The following THRA variants were observed in gnomAD, a reference collection of about 807,000 sequenced individuals.
THRA encodes the protein EAR-7.
In THRA, 13 loss-of-function variants were observed where a neutral mutation model predicts 45.0. The ratio of observed to expected loss-of-function variants is 0.29; its 90% CI spans 0.19 to 0.46. The LOEUF (loss-of-function observed/expected upper bound fraction) is 0.46, where lower values mean the gene tolerates loss of function less well. Among genes scored for constraint, THRA ranks in the 20% least tolerant of loss-of-function variants. The pLI, the probability that THRA is intolerant of heterozygous loss-of-function variation, is 1.00. For synonymous variants in THRA, 195 were observed against 214.0 expected (o/e 0.91, Z 0.78); for missense variants, 278 against 556.1 (o/e 0.50, Z 5.03).
At chr17:40,082,797 C>T (rs1987190250) in intron 4 of THRA, among the ~76,000 whole-genome samples, 1 of 107,436 alleles carries the variant, frequency 9.3e-6, no homozygotes, top group Non-Finnish European at 1.7e-5. Context: ...GATGGAGTCT[C>T]ATTCTGTCAC....
rs1986992163 is a variant in THRA, at chr17:40,077,406, G to A, written c.122-102G>A. The A allele has an allele frequency of 1.0e-5, 10 of 979,792 alleles. No individual in the cohort carries two copies. In the South Asian group the frequency reaches 1.1e-4, roughly 11 times the overall value. The allele number at this position is 979,792 out of a possible 1,614,324, so 60.7% of individuals were successfully genotyped here. ...CTACCAGGGAGGCTGGGCTAGGAGA[G>A]GGGTCAGAAACAAAAAGTTGAGGGA... On this transcript the variant is annotated intron_variant, in intron 3 of 8. Coordinates refer to ENST00000450525, the MANE Select transcript of THRA (RefSeq NM_199334.5).
intron 7 of THRA, chr17:40,087,130 GACAC>G (rs1177888772): frequency 1.8e-5 from 7 of 395,010 alleles, no homozygotes; most frequent in Non-Finnish European, 2.8e-5. Flanking sequence ...CCAGCACACA[GACAC>G]ACACACACCT....
chr17:40,093,293 G>A, downstream of THRA: 1 of 1,613,610 alleles, frequency 6.2e-7, no homozygotes, highest in Non-Finnish European at 8.5e-7. This position sits in a 1 kb window ranked among gnomAD's most constrained non-coding sequence, Gnocchi z 5.9. Flanking sequence ...CTGTGGGGAA[G>A]ACGACAGCAG....
chr17:40,069,007 GGTGA>G (rs1986671675), intron 1 of THRA: 2 of 152,350 alleles, frequency 1.3e-5, no homozygotes, highest in Admixed American at 6.6e-5. Flanking sequence ...GCGCATGCGG[GGTGA>G]GTGTGTGTGT....
At chr17:40,077,450 C>T in intron 3 of THRA, 58 bp from the exon 4 acceptor site, 1 of 1,480,840 alleles carries the variant, frequency 6.8e-7, no homozygotes, top group Non-Finnish European at 9.4e-7. Flanking sequence ...AGTGTGAGAG[C>T]CTCTCTGCTG....
intron 4 of THRA, among the ~76,000 whole-genome samples, chr17:40,079,139 G>A (rs1248368817): frequency 6.6e-6 from 1 of 152,170 alleles, no homozygotes; most frequent in Non-Finnish European, 1.5e-5. Context: ...AAGAGCGAGA[G>A]CCAGTACTGG....
chr17:40,066,296 C>T (rs1365478405), intron 1 of THRA, among the ~76,000 whole-genome samples: 2 of 152,082 alleles, frequency 1.3e-5, no homozygotes, highest in Non-Finnish European at 2.9e-5. Flanking sequence ...AGGCACTTGG[C>T]AGAGAACCCA....
chr17:40,086,252 A>G (rs1352923429), intron 6 of THRA, among the ~76,000 whole-genome samples: 1 of 152,194 alleles, frequency 6.6e-6, no homozygotes, highest in Non-Finnish European at 1.5e-5. Flanking sequence ...CTCTGATTCC[A>G]AGCAGATGTG....
chr17:40,089,361 T>G lies in THRA; in HGVS notation c.1138T>G (p.Cys380Gly). Reference protein sequence around the residue: ...KVTDLRMIGACHASRFLHMKV... With the variant: ...KVTDLRMIGAGHASRFLHMKV... ...GACTGACCTCCGCATGATCGGGGCC[T>G]GCCACGCCAGCCGCTTCCTCCACAT... Residue 380 changes from cysteine (C) to glycine (G), a missense_variant, in exon 9 of 9, where the codon TGC (cysteine) becomes GGC (glycine). Physicochemically the swap from Cys to Gly is radical, Grantham distance 159 (BLOSUM62 -3). Coordinates refer to ENST00000450525, the MANE Select transcript of THRA (RefSeq NM_199334.5). The surrounding 1 kb of genome is among the most constrained non-coding windows in gnomAD (Gnocchi z 6.1). 6.2e-7 allele frequency: 1 copy of G among 1,614,118 alleles called. No individual in the cohort carries two copies. Among genetic ancestry groups the G allele is most frequent in the Non-Finnish European group, 8.5e-7 (1 of 1,180,016 alleles).
Position 40,086,615 on chromosome 17 carries a change from G to C in THRA, c.577-92G>C, listed in dbSNP as rs562694461. Reference sequence around the variant, plus strand: ...GGCACGGGCGGCCCCTCTTCCCCAAGCTGCCTTGGAGCTCCCCCTGGTGGG... The same window carrying C: ...GGCACGGGCGGCCCCTCTTCCCCAACCTGCCTTGGAGCTCCCCCTGGTGGG... On this transcript the variant is annotated intron_variant, in intron 6 of 8. Coordinates refer to ENST00000450525, the MANE Select transcript of THRA (RefSeq NM_199334.5). The C allele has an allele frequency of 1.8e-5, 28 of 1,513,616 alleles. No homozygotes were observed. The African/African-American group carries it at 3.3e-4, about 18-fold the overall frequency. The allele number at this position is 1,513,616 out of a possible 1,614,324, so 93.8% of individuals were successfully genotyped here. A position where few individuals can be genotyped will look rare whatever the true frequency, so the allele number is the denominator to read the frequency against.
In THRA at chr17:40,090,116, A is replaced by ACC; in HGVS notation, c.*666_*667dup. On this transcript the variant is annotated 3_prime_UTR_variant, in exon 9 of 9. Coordinates refer to ENST00000450525, the MANE Select transcript of THRA (RefSeq NM_199334.5). ...TAACTGAGGCTGACCAGAGGGGAGG[A>ACC]CCCCCCCTTTACCACCCCATGCACT... is the stretch of plus-strand genomic sequence containing the variant. The ACC allele has an allele frequency of 1.2e-6, 1 of 848,366 alleles. No individual in the cohort carries two copies. The highest frequency in any genetic ancestry group is 1.4e-6 in the Non-Finnish European group (1 of 705,756). The allele number at this position is 848,366 out of a possible 1,614,324, so 52.6% of individuals were successfully genotyped here. A position where few individuals can be genotyped will look rare whatever the true frequency, so the allele number is the denominator to read the frequency against.
chr17:40,086,981 A>T, intron 7 of THRA, 128 bp downstream of exon 7: 1 of 1,253,752 alleles, frequency 8.0e-7, no homozygotes, highest in Non-Finnish European at 1.1e-6. Context: ...ACATACACAG[A>T]TAACATACAC....
Position 40,066,826 on chromosome 17 carries a change from G to C in THRA, c.-298+3734G>C, listed in dbSNP as rs1986592553. Among the ~76,000 whole-genome samples the C allele has an allele frequency of 3.3e-5, 5 of 152,200 alleles. No homozygotes were observed. In the South Asian group the frequency reaches 1.0e-3, roughly 32 times the overall value. The stretch of plus-strand genomic sequence containing the variant: ...TGAATCCCAGCTCTGTCACTTGCTG[G>C]ATGTGTGACTTTGAGCAAGCGATTT... On this transcript the variant is annotated intron_variant, in intron 1 of 8. Transcript: ENST00000450525.
At chr17:40,080,142 G>A (rs1322288185) in intron 4 of THRA, among the ~76,000 whole-genome samples, 2 of 152,064 alleles carry the variant, frequency 1.3e-5, no homozygotes, top group African/African-American at 4.8e-5. Flanking sequence ...GCTCACGCCT[G>A]TAATCCAAAC....
At chr17:40,075,159 A>G (rs1986907647) in intron 2 of THRA, among the ~76,000 whole-genome samples, 1 of 152,212 alleles carries the variant, frequency 6.6e-6, no homozygotes, top group African/African-American at 2.4e-5. Flanking sequence ...ACACCAAGGG[A>G]TGGTTACCTG....
At chr17:40,083,789 G>C in intron 4 of THRA, 46 bp from the exon 5 acceptor site, 1 of 1,547,616 alleles carries the variant, frequency 6.5e-7, no homozygotes, top group African/African-American at 1.4e-5. Context: ...TTCAGGAAGG[G>C]GAAGCCATGT....
At chr17:40,072,483 C>T (rs772507722) in intron 1 of THRA, among the ~76,000 whole-genome samples, 110 of 152,020 alleles carry the variant, frequency 7.2e-4, no homozygotes, top group Non-Finnish European at 1.4e-3. Flanking sequence ...GTGTGCCAGG[C>T]GGGCAGGAGA....
intron 2 of THRA, among the ~76,000 whole-genome samples, 163 bp from the exon 3 acceptor site, chr17:40,076,708 C>T (rs937332118): frequency 6.6e-6 from 1 of 152,084 alleles, no homozygotes; most frequent in African/African-American, 2.4e-5. Context: ...TTCCAGATAA[C>T]TGGACCCTTT....
At chr17:40,084,894 C>T (rs1987269717) in intron 6 of THRA, 79 bp downstream of exon 6, 3 of 1,520,378 alleles carry the variant, frequency 2.0e-6, no homozygotes, top group Admixed American at 1.8e-5. Context: ...TTGCCTCCTC[C>T]AGGAAGTCTT....
Sources: gnomAD v4.1 joint callset for allele counts (sites outside exome capture counted in the v4.1 genomes callset) on GRCh38, gnomAD v4.1.1 for gene constraint, Gnocchi (gnomAD v3.1) non-coding constraint, MANE v1.5 for transcripts, NCBI Gene and HGNC (gene_info 2026-07-23, HGNC 2026-07-21) for gene names.